Variants in MIA2 observed in about 807,000 individuals in gnomAD.
The protein encoded by MIA2 is melanoma inhibitory activity protein 2.
MIA2 carries 127 observed loss-of-function variants against 167.8 expected under a neutral mutation model. That is an observed-to-expected ratio of 0.76 (90% CI 0.66 to 0.88). The LOEUF (loss-of-function observed/expected upper bound fraction) is 0.88. Among genes scored for constraint, MIA2 ranks in the 40% least tolerant of loss-of-function variants. The pLI is 0.00. For missense variants in MIA2, 1,690 were observed against 1,624.7 expected (o/e 1.04, Z -0.69); for synonymous variants, 552 against 541.9 (o/e 1.02, Z -0.26).
At chr14:39,326,379 G>A (rs973411193) in intron 24 of MIA2, among the ~76,000 whole-genome samples, 1 of 151,844 alleles carries the variant, frequency 6.6e-6, no homozygotes, top group Non-Finnish European at 1.5e-5. Flanking sequence ...AGTGAATTTG[G>A]GCAGAAGTAG....
At chr14:39,364,986 A>G (rs1356374115) in intron 23 of MIA2, among the ~76,000 whole-genome samples, 2 of 151,882 alleles carry the variant, frequency 1.3e-5, no homozygotes, top group Non-Finnish European at 2.9e-5. Context: ...TGGATGTTTA[A>G]GTCTCTTGTT....
intron 23 of MIA2, among the ~76,000 whole-genome samples, chr14:39,359,284 T>C (rs978983391): frequency 1.4e-4 from 22 of 152,324 alleles, no homozygotes; most frequent in African/African-American, 5.3e-4. Context: ...GCTGTCGCCT[T>C]GCAGTTTGAT....
chr14:39,378,473 A>G (rs915504145), intron 23 of MIA2, among the ~76,000 whole-genome samples: 3 of 152,320 alleles, frequency 2.0e-5, no homozygotes, highest in Admixed American at 1.3e-4. Context: ...TTAGAGTTCT[A>G]TAGCTGATTA....
Position 39,247,942 on chromosome 14 carries a change from T to C in MIA2, c.1368T>C (p.Tyr456=), listed in dbSNP as rs2054385343. ...EKTDESDTIP[Y]LKKFLYNFDN... ...CAGACGAATCTGATACTATACCATATTTGAAAAAGTTCTTGTATAATTTTG... is the reference window on the plus strand; with the variant it reads ...CAGACGAATCTGATACTATACCATACTTGAAAAAGTTCTTGTATAATTTTG... The change falls in exon 4 of 29, where the codon TAT becomes TAC. Residue 456 remains tyrosine, a synonymous_variant. Coordinates refer to ENST00000640607, the MANE Select transcript of MIA2 (RefSeq NM_001329214.4). The C allele has an allele frequency of 1.9e-6, 3 of 1,597,728 alleles. No homozygotes were observed. The highest frequency in any genetic ancestry group is 2.6e-6 in the Non-Finnish European group (3 of 1,176,350).
chr14:39,267,608 T>C (rs746353205), intron 6 of MIA2: 4 of 1,496,620 alleles, frequency 2.7e-6, no homozygotes, highest in African/African-American at 1.4e-5. Flanking sequence ...CTTTGGGGTC[T>C]AAGCCGCCGT....
chr14:39,285,257 G>T (rs1446420095), intron 9 of MIA2, among the ~76,000 whole-genome samples: 1 of 152,058 alleles, frequency 6.6e-6, no homozygotes, highest in Non-Finnish European at 1.5e-5. Context: ...TTCTCAATGA[G>T]CTGTTGGGTA....
At chr14:39,340,745 T>A (rs1325083472) in intron 25 of MIA2, among the ~76,000 whole-genome samples, 1 of 152,214 alleles carries the variant, frequency 6.6e-6, no homozygotes, top group African/African-American at 2.4e-5. Flanking sequence ...GGCTACCAGT[T>A]TTTTAGGAAT....
At chr14:39,267,452 T>C (rs1460768849) in intron 6 of MIA2, 7 of 1,612,192 alleles carry the variant, frequency 4.3e-6, no homozygotes, top group Non-Finnish European at 5.9e-6. Flanking sequence ...GAGAGCAGCT[T>C]TGGCGCTATG....
chr14:39,277,502 G>A (rs2058174316), intron 7 of MIA2, among the ~76,000 whole-genome samples: 1 of 150,932 alleles, frequency 6.6e-6, no homozygotes, highest in African/African-American at 2.4e-5. Context: ...CTCCAGCCTG[G>A]GTGACAGAGA....
intron 26 of MIA2, among the ~76,000 whole-genome samples, chr14:39,346,376 A>G (rs1445271319): frequency 6.6e-6 from 1 of 152,162 alleles, no homozygotes; most frequent in African/African-American, 2.4e-5. Context: ...ATGGATACAT[A>G]AAAACCCACC....
chr14:39,248,109 T>G lies in MIA2; in HGVS notation c.1535T>G (p.Val512Gly). 6.6e-7 allele frequency: 1 copy of G among 1,523,610 alleles called. No homozygotes were observed. The highest frequency in any genetic ancestry group is 8.8e-7 in the Non-Finnish European group (1 of 1,137,728). 94.4% of individuals were successfully genotyped at this position (1,523,610 alleles called of 1,614,324 possible). Residue 512 changes from valine to glycine, a missense_variant, in exon 4 of 29, where the codon GTT becomes GGT. Physicochemically the swap from Val to Gly is moderately radical, Grantham distance 109. Coordinates refer to ENST00000640607, the MANE Select transcript of MIA2 (RefSeq NM_001329214.4). The part of the protein sequence containing the change: ...IDNYPTDNTK[V>G]MIFKSSYSLS... ...AATTATCCCACAGATAATACAAAAG[T>G]TATGATATTCAAAAGTTCATACAGT...
At chr14:39,329,439 A>C (rs1566945868) in intron 25 of MIA2, among the ~76,000 whole-genome samples, 1 of 152,272 alleles carries the variant, frequency 6.6e-6, no homozygotes, top group South Asian at 2.1e-4. Context: ...TCCTATATGA[A>C]TACCCTTTAT....
At chr14:39,305,858 C>T (rs988292486) in intron 17 of MIA2, among the ~76,000 whole-genome samples, 1 of 151,060 alleles carries the variant, frequency 6.6e-6, no homozygotes, top group Non-Finnish European at 1.5e-5. Context: ...ATCGCTTGAA[C>T]ATGGGAGGTG....
chr14:39,371,312 A>G (rs926383769), intron 23 of MIA2, among the ~76,000 whole-genome samples: 1 of 152,130 alleles, frequency 6.6e-6, no homozygotes, highest in African/African-American at 2.4e-5. Context: ...GGGGAAGGGG[A>G]GAGAGGGTAG....
intron 25 of MIA2, among the ~76,000 whole-genome samples, chr14:39,339,125 C>G (rs905996855): frequency 6.6e-6 from 1 of 152,126 alleles, no homozygotes; most frequent in South Asian, 2.1e-4. Flanking sequence ...CCCTCACATG[C>G]GCAGTTCACA....
At chr14:39,235,316 C>T (rs1007986614) in intron 1 of MIA2, among the ~76,000 whole-genome samples, 5 of 151,930 alleles carry the variant, frequency 3.3e-5, no homozygotes, top group African/African-American at 9.6e-5. Context: ...GCCACCATGC[C>T]CAGCTGTGAG....
intron 23 of MIA2, among the ~76,000 whole-genome samples, chr14:39,369,217 A>T (rs552211505): frequency 1.3e-5 from 2 of 152,256 alleles, no homozygotes; most frequent in East Asian, 3.9e-4. Context: ...TGGGTTGAGC[A>T]GATAGGGATC....
At chr14:39,250,703 A>C (rs911141650) in intron 4 of MIA2, among the ~76,000 whole-genome samples, 1 of 58,714 alleles carries the variant, frequency 1.7e-5, no homozygotes, top group African/African-American at 7.9e-5. Flanking sequence ...CTCAAAAAAA[A>C]ATATGCATAT....
At position 39,333,468 on chromosome 14, in the gene MIA2, T is replaced by C. The variant is rs147295801; in HGVS notation, c.3655+6446T>C. On this transcript the variant is annotated intron_variant, in intron 25 of 28. Transcript: ENST00000640607. ...TTGGGCAGAGATTGTACCCAGAATATTGGGCTCTACCTTTGCGGCTTTCTC... is the reference window on the plus strand; with the variant it reads ...TTGGGCAGAGATTGTACCCAGAATACTGGGCTCTACCTTTGCGGCTTTCTC... Among the ~76,000 whole-genome samples, 69 of 151,696 alleles carry C rather than the reference T, an allele frequency of 4.5e-4. 2 individuals are homozygous for C. The East Asian group carries it at 8.7e-3, about 19-fold the overall frequency.
Sources: allele counts gnomAD v4.1 joint callset (sites outside exome capture counted in the v4.1 genomes callset), GRCh38; gene constraint gnomAD v4.1.1; transcripts MANE v1.5; gene names NCBI Gene and HGNC (gene_info 2026-07-23, HGNC 2026-07-21).